LORICRIN: variants seen among roughly 807,000 people sequenced by gnomAD.
LORICRIN encodes loricrin cornified envelope precursor protein.
Under a neutral mutation model 3.3 loss-of-function variants are expected in LORICRIN, and 5 were observed. The ratio of observed to expected loss-of-function variants is 1.52; its 90% confidence interval spans 0.79 to 3.19. The LOEUF is 3.19. Ranked by LOEUF, LORICRIN falls within the 30% of genes most tolerant of loss-of-function variation. The probability of loss-of-function intolerance (pLI) is 0.00; values close to 1 mark genes in which losing one functional copy is unlikely to be tolerated. For synonymous variants in LORICRIN, 237 were observed against 231.4 expected, an observed-to-expected ratio of 1.02 and a Z score of -0.22; for missense variants, 524 against 460.2, an observed-to-expected ratio of 1.14 and a Z score of -1.27.
chr1:153,261,392 G>T lies in LORICRIN; in HGVS notation c.443G>T (p.Gly148Val), dbSNP rs1176376984. The T allele has an allele frequency of 1.0e-5, 15 of 1,493,662 alleles. No individual in the cohort carries two copies. The highest frequency in any genetic ancestry group is 1.5e-5 in the African/African-American group (1 of 67,724). The allele number at this position is 1,493,662 out of a possible 1,614,324, so 92.5% of individuals were successfully genotyped here. ...GGCTCCGGCTGCTTCTCCTCCGGCG[G>T]CGGCGGCTTCTCGGGCCAGGCGGTC... ...GGGSGCFSSGGGGFSGQAVQC... is the reference protein window; with the variant it reads ...GGGSGCFSSGVGGFSGQAVQC... Residue 148 changes from glycine (G) to valine (V), a missense_variant, in exon 2 of 2, where the codon GGC becomes GTC. Coordinates refer to ENST00000368742, the MANE Select transcript of LORICRIN (RefSeq NM_000427.3).
At position 153,261,182 on chromosome 1, in the gene LORICRIN, G is replaced by C; in HGVS notation, c.233G>C (p.Gly78Ala). ...GGCGGCGGGGGCGGGGGCGGCATTGGAGGCTGCGGAGGGGGCTCCGGTGGG... is the reference window on the plus strand; with the variant it reads ...GGCGGCGGGGGCGGGGGCGGCATTGCAGGCTGCGGAGGGGGCTCCGGTGGG... ...SSGGGGGGGI[G>A]GCGGGSGGSV... Residue 78 changes from glycine to alanine, a missense_variant, in exon 2 of 2, where the codon GGA becomes GCA. Coordinates refer to ENST00000368742, the MANE Select transcript of LORICRIN (RefSeq NM_000427.3). 1 of 1,350,724 alleles carries C rather than the reference G, an allele frequency of 7.4e-7. No homozygotes were observed. The highest frequency in any genetic ancestry group is 9.4e-7 in the Non-Finnish European group (1 of 1,061,184). The allele number at this position is 1,350,724 out of a possible 1,614,324, so 83.7% of individuals were successfully genotyped here.
Position 153,261,227 on chromosome 1 carries a change from GCGGCGGCTCCTC to G in LORICRIN, c.285_296del (p.Ser96_Gly99del). 1 of 1,374,274 alleles carries G rather than the reference GCGGCGGCTCCTC, an allele frequency of 7.3e-7. No homozygotes were observed. The highest frequency in any genetic ancestry group is 9.3e-7 in the Non-Finnish European group (1 of 1,069,574). The allele number at this position is 1,374,274 out of a possible 1,614,324, so 85.1% of individuals were successfully genotyped here. A position where few individuals can be genotyped will look rare whatever the true frequency, so the allele number is the denominator to read the frequency against. ...GGTGGGAGCGTCAAGTACTCCGGAG[GCGGCGGCTCCTC>G]CGGCGGGGGCTCTGGCTGTTTCTCC... is the stretch of plus-strand genomic sequence containing the variant. On this transcript the variant is annotated inframe_deletion, in exon 2 of 2. Transcript: ENST00000368742.
In LORICRIN at chr1:153,261,196, G is replaced by T. The variant is rs1658771608; in HGVS notation, c.247G>T (p.Gly83Cys). Residue 83 changes from glycine (G) to cysteine (C), a missense_variant, in exon 2 of 2, where the codon GGC becomes TGC. Physicochemically the swap from Gly to Cys is radical, Grantham distance 159. Coordinates refer to ENST00000368742, the MANE Select transcript of LORICRIN (RefSeq NM_000427.3). ...GGGGIGGCGGGSGGSVKYSGG... is the reference protein window; with the variant it reads ...GGGGIGGCGGCSGGSVKYSGG... ...GGGCGGCATTGGAGGCTGCGGAGGG[G>T]GCTCCGGTGGGAGCGTCAAGTACTC... 1.7e-5 allele frequency: 23 copies of T among 1,337,326 alleles called. No homozygotes were observed. The highest frequency in any genetic ancestry group is 2.2e-5 in the Non-Finnish European group (23 of 1,048,246). 82.8% of individuals were successfully genotyped at this position (1,337,326 alleles called of 1,614,324 possible). A position where few individuals can be genotyped will look rare whatever the true frequency, so the allele number is the denominator to read the frequency against.
rs1352312338 is a variant in LORICRIN, at chr1:153,261,041, G to A, written c.92G>A (p.Gly31Asp). The change falls in exon 2 of 2, where the codon GGT becomes GAT. Residue 31 changes from glycine to aspartate, a missense_variant. Physicochemically the swap from Gly to Asp is moderately conservative, Grantham distance 94. Coordinates refer to ENST00000368742, the MANE Select transcript of LORICRIN (RefSeq NM_000427.3). ...GGGGGGGGSGGGGCGFFGGGG... is the reference protein window; with the variant it reads ...GGGGGGGGSGDGGCGFFGGGG... The stretch of plus-strand genomic sequence containing the variant: ...GGTGGCGGTGGCGGCGGCAGCGGCG[G>A]TGGTGGCTGCGGCTTCTTCGGCGGC... 3 of 1,554,254 alleles carry A rather than the reference G, an allele frequency of 1.9e-6. No individual in the cohort carries two copies. Among genetic ancestry groups the A allele is most frequent in the Non-Finnish European group, 2.6e-6 (3 of 1,146,448 alleles).
At position 153,261,139 on chromosome 1, in the gene LORICRIN, T is replaced by TGCGGCGGGGGCTCCTCCG. The variant is rs1553191262; in HGVS notation, c.202_219dup (p.Ser68_Gly73dup). On this transcript the variant is annotated inframe_insertion, in exon 2 of 2. Coordinates refer to ENST00000368742, the MANE Select transcript of LORICRIN (RefSeq NM_000427.3). The stretch of plus-strand genomic sequence containing the variant: ...CGGCGGTGGCTACTCTGGCGGCGGC[T>TGCGGCGGGGGCTCCTCCG]GCGGCGGGGGCTCCTCCGGCGGCGG... The TGCGGCGGGGGCTCCTCCG allele has an allele frequency of 5.8e-5, 76 of 1,301,638 alleles. No individual in the cohort carries two copies. In the African/African-American group the frequency reaches 1.3e-3, roughly 22 times the overall value. 80.6% of individuals were successfully genotyped at this position (1,301,638 alleles called of 1,614,324 possible). A position where few individuals can be genotyped will look rare whatever the true frequency, so the allele number is the denominator to read the frequency against.
chr1:153,261,846 C>T lies in LORICRIN; in HGVS notation c.897C>T (p.His299=). 1 of 1,611,642 alleles carries T rather than the reference C, an allele frequency of 6.2e-7. No individual in the cohort carries two copies. ...SGSGKGVPIC[H]QTQQKQAPTW... is the part of the protein sequence containing the mutation. ...GTGGCAAGGGCGTCCCGATCTGCCA[C>T]CAGACCCAGCAGAAGCAGGCGCCTA... Residue 299 remains histidine (H), a synonymous_variant, in exon 2 of 2, where the codon CAC becomes CAT. Transcript: ENST00000368742.
chr1:153,261,486 C>A lies in LORICRIN; in HGVS notation c.537C>A (p.Ser179Arg). 6.7e-7 allele frequency: 1 copy of A among 1,495,854 alleles called. No individual in the cohort carries two copies. Among genetic ancestry groups the A allele is most frequent in the Non-Finnish European group, 8.9e-7 (1 of 1,126,114 alleles). The allele number at this position is 1,495,854 out of a possible 1,614,324, so 92.7% of individuals were successfully genotyped here. A position where few individuals can be genotyped will look rare whatever the true frequency, so the allele number is the denominator to read the frequency against. Reference sequence around the variant, plus strand: ...GGGGCGGCTCCGGCTGCTTCTCCAGCGGCGGGGGCGGCGGCTCTGTCTGCG... The same window carrying A: ...GGGGCGGCTCCGGCTGCTTCTCCAGAGGCGGGGGCGGCGGCTCTGTCTGCG... ...SSGGGSGCFS[S>R]GGGGGSVCGY... The change falls in exon 2 of 2, where the codon AGC (serine) becomes AGA (arginine). Residue 179 changes from serine to arginine, a missense_variant. Coordinates refer to ENST00000368742, the MANE Select transcript of LORICRIN (RefSeq NM_000427.3).
At chr1:153,260,639 G>A (rs748152994) in intron 1 of LORICRIN, among the ~76,000 whole-genome samples, 4 of 152,210 alleles carry the variant, frequency 2.6e-5, no homozygotes, top group Non-Finnish European at 4.4e-5. Context: ...TGAGAAAGAG[G>A]CGGGCGTGTG....
In LORICRIN at chr1:153,261,375, C is replaced by A. The variant is rs1658781918; in HGVS notation, c.426C>A (p.Gly142=). ...GCGGCTCCTCCGGGGGCGGCTCCGG[C>A]TGCTTCTCCTCCGGCGGCGGCGGCT... ...GGGGSSGGGS[G]CFSSGGGGFS... The change falls in exon 2 of 2, where the codon GGC becomes GGA. Residue 142 remains glycine, a synonymous_variant. Transcript: ENST00000368742. The A allele has an allele frequency of 1.3e-6, 2 of 1,490,474 alleles. No homozygotes were observed. The highest frequency in any genetic ancestry group is 3.0e-5 in the African/African-American group (2 of 67,098). The allele number at this position is 1,490,474 out of a possible 1,614,324, so 92.3% of individuals were successfully genotyped here.
chr1:153,261,845 A>C lies in LORICRIN; in HGVS notation c.896A>C (p.His299Pro). The C allele has an allele frequency of 1.2e-6, 2 of 1,611,592 alleles. No individual in the cohort carries two copies. Among genetic ancestry groups the C allele is most frequent in the Non-Finnish European group, 1.7e-6 (2 of 1,179,546 alleles). The change falls in exon 2 of 2, where the codon CAC becomes CCC. Residue 299 changes from histidine to proline, a missense_variant. By Grantham distance (77) the His-to-Pro change is moderately conservative (BLOSUM62 -2). Coordinates refer to ENST00000368742, the MANE Select transcript of LORICRIN (RefSeq NM_000427.3). ...SGSGKGVPIC[H>P]QTQQKQAPTW... is the part of the protein sequence containing the mutation. ...AGTGGCAAGGGCGTCCCGATCTGCC[A>C]CCAGACCCAGCAGAAGCAGGCGCCT...
chr1:153,261,945 T>G lies in LORICRIN; in HGVS notation c.*57T>G, dbSNP rs1413349470. On this transcript the variant is annotated 3_prime_UTR_variant, in exon 2 of 2. Transcript: ENST00000368742. ...TGGAGGTGTTTTCCAGGGGCACCGA[T>G]GGGCTTAGAGCTCTCATGATGCTAC... The G allele has an allele frequency of 1.9e-6, 3 of 1,540,014 alleles. No homozygotes were observed. The highest frequency in any genetic ancestry group is 2.7e-6 in the Non-Finnish European group (3 of 1,126,302).
Position 153,261,625 on chromosome 1 carries a change from G to A in LORICRIN, c.676G>A (p.Gly226Arg). The change falls in exon 2 of 2, where the codon GGA (glycine) becomes AGA (arginine). Residue 226 changes from glycine to arginine, a missense_variant. By Grantham distance (125) the Gly-to-Arg change is moderately radical. Transcript: ENST00000368742. The part of the protein sequence containing the change: ...QTSCAPQPSY[G>R]GGSSGGGGSG... ...CTCGTGCGCGCCCCAGCCGAGTTACGGAGGGGGGTCGTCCGGCGGCGGCGG... is the reference window on the plus strand; with the variant it reads ...CTCGTGCGCGCCCCAGCCGAGTTACAGAGGGGGGTCGTCCGGCGGCGGCGG... 1.3e-6 allele frequency: 2 copies of A among 1,514,976 alleles called. No individual in the cohort carries two copies. The highest frequency in any genetic ancestry group is 1.8e-6 in the Non-Finnish European group (2 of 1,139,640). 93.8% of individuals were successfully genotyped at this position (1,514,976 alleles called of 1,614,324 possible).
rs1331705027 is a variant in LORICRIN, at chr1:153,261,496, G to C, written c.547G>C (p.Gly183Arg). ...CGGCTGCTTCTCCAGCGGCGGGGGC[G>C]GCGGCTCTGTCTGCGGCTACTCTGG... is the stretch of plus-strand genomic sequence containing the variant. ...GSGCFSSGGG[G>R]GSVCGYSGGG... Residue 183 changes from glycine to arginine, a missense_variant, in exon 2 of 2, where the codon GGC becomes CGC. Physicochemically the swap from Gly to Arg is moderately radical, Grantham distance 125 (BLOSUM62 -2). Coordinates refer to ENST00000368742, the MANE Select transcript of LORICRIN (RefSeq NM_000427.3). 1 of 1,303,504 alleles carries C rather than the reference G, an allele frequency of 7.7e-7. No individual in the cohort carries two copies. Among genetic ancestry groups the C allele is most frequent in the Non-Finnish European group, 9.8e-7 (1 of 1,016,530 alleles). The allele number at this position is 1,303,504 out of a possible 1,614,324, so 80.7% of individuals were successfully genotyped here.
intron 1 of LORICRIN, among the ~76,000 whole-genome samples, chr1:153,260,328 CCT>C (rs1658734162): frequency 1.3e-5 from 2 of 152,210 alleles, no homozygotes; most frequent in South Asian, 4.1e-4. Context: ...GGGTCCTTCC[CCT>C]GTTTCCAGGC....
chr1:153,260,965 A>C lies in LORICRIN; in HGVS notation c.16A>C (p.Lys6Gln). The C allele has an allele frequency of 6.3e-7, 1 of 1,597,970 alleles. No individual in the cohort carries two copies. Among genetic ancestry groups the C allele is most frequent in the Admixed American group, 1.7e-5 (1 of 58,304 alleles). ...CTCAGACAAGATGTCTTATCAGAAA[A>C]AGCAGCCCACCCCTCAGCCCCCAGT... MSYQK[K>Q]QPTPQPPVDC... Residue 6 changes from lysine (K) to glutamine (Q), a missense_variant, in exon 2 of 2, where the codon AAG (lysine) becomes CAG (glutamine). Coordinates refer to ENST00000368742, the MANE Select transcript of LORICRIN (RefSeq NM_000427.3).
Position 153,261,449 on chromosome 1 carries a change from G to A in LORICRIN, c.500G>A (p.Gly167Asp). Residue 167 changes from glycine (G) to aspartate (D), a missense_variant, in exon 2 of 2, where the codon GGC (glycine) becomes GAC (aspartate). Transcript: ENST00000368742. ...QCQSYGGVSS[G>D]GSSGGGSGCF... ...CAGAGCTACGGAGGCGTCTCTAGCGGCGGCTCCTCCGGGGGCGGCTCCGGC... is the reference window on the plus strand; with the variant it reads ...CAGAGCTACGGAGGCGTCTCTAGCGACGGCTCCTCCGGGGGCGGCTCCGGC... 4 of 1,506,252 alleles carry A rather than the reference G, an allele frequency of 2.7e-6. No individual in the cohort carries two copies. The highest frequency in any genetic ancestry group is 3.5e-6 in the Non-Finnish European group (4 of 1,135,150). The allele number at this position is 1,506,252 out of a possible 1,614,324, so 93.3% of individuals were successfully genotyped here.
rs1161979918 is a variant in LORICRIN, at chr1:153,261,640, G to GGCGGCGGCGGCA, written c.699_710dup (p.Gly234_Gly237dup). On this transcript the variant is annotated inframe_insertion, in exon 2 of 2. Coordinates refer to ENST00000368742, the MANE Select transcript of LORICRIN (RefSeq NM_000427.3). ...GCCGAGTTACGGAGGGGGGTCGTCC[G>GGCGGCGGCGGCA]GCGGCGGCGGCAGCGGCGGAAGCGG... is the stretch of plus-strand genomic sequence containing the variant. The GGCGGCGGCGGCA allele has an allele frequency of 2.6e-6, 4 of 1,512,304 alleles. No individual in the cohort carries two copies. The highest frequency in any genetic ancestry group is 2.6e-6 in the Non-Finnish European group (3 of 1,138,568). The allele number at this position is 1,512,304 out of a possible 1,614,324, so 93.7% of individuals were successfully genotyped here.
Position 153,261,144 on chromosome 1 carries a change from CG to C in LORICRIN, c.200del (p.Gly67AlafsTer272). 1 of 1,345,762 alleles carries C rather than the reference CG, an allele frequency of 7.4e-7. No homozygotes were observed. The highest frequency in any genetic ancestry group is 9.4e-7 in the Non-Finnish European group (1 of 1,059,216). The allele number at this position is 1,345,762 out of a possible 1,614,324, so 83.4% of individuals were successfully genotyped here. A position where few individuals can be genotyped will look rare whatever the true frequency, so the allele number is the denominator to read the frequency against. On this transcript the variant is annotated frameshift_variant, in exon 2 of 2. Transcript: ENST00000368742. LOFTEE classifies it low-confidence loss of function (END_TRUNC). ...GTGGCTACTCTGGCGGCGGCTGCGG[CG>C]GGGGCTCCTCCGGCGGCGGGGGCGG... Reference protein sequence around the residue: ...GGGYSGGGCGGGSSGGGGGGG... With the variant: ...GGGYSGGGCGXGSSGGGGGGG...
At position 153,261,471 on chromosome 1, in the gene LORICRIN, C is replaced by CGGGAGT. The variant is rs1658787647; in HGVS notation, c.524_525insGAGTGG (p.Ser174_Gly175dup). The CGGGAGT allele has an allele frequency of 6.7e-7, 1 of 1,495,026 alleles. No homozygotes were observed. The highest frequency in any genetic ancestry group is 2.1e-5 in the Admixed American group (1 of 48,078). 92.6% of individuals were successfully genotyped at this position (1,495,026 alleles called of 1,614,324 possible). On this transcript the variant is annotated inframe_insertion, in exon 2 of 2. Transcript: ENST00000368742. ...GCGGCGGCTCCTCCGGGGGCGGCTC[C>CGGGAGT]GGCTGCTTCTCCAGCGGCGGGGGCG...
Sources: gnomAD v4.1 joint callset for allele counts (sites outside exome capture counted in the v4.1 genomes callset) on GRCh38, gnomAD v4.1.1 for gene constraint, MANE v1.5 for transcripts, NCBI Gene and HGNC (gene_info 2026-07-23, HGNC 2026-07-21) for gene names.